PIK3CB: variants seen among roughly 807,000 people sequenced by gnomAD.
The protein encoded by PIK3CB is phosphatidylinositol-4,5-bisphosphate 3-kinase catalytic subunit beta, also known as phosphatidylinositol 4,5-bisphosphate 3-kinase catalytic subunit beta isoform.
A neutral mutation model predicts 136.8 loss-of-function variants in PIK3CB; 39 were observed. The observed-to-expected ratio is 0.29, with a 90% CI of 0.22 to 0.37. PIK3CB has a LOEUF of 0.37. Ranked by LOEUF, PIK3CB falls within the 10% of genes least tolerant of loss-of-function variation. The pLI, the probability that PIK3CB is intolerant of heterozygous loss-of-function variation, is 1.00. For missense variants in PIK3CB, 868 were observed against 1,275.4 expected, an observed-to-expected ratio of 0.68 and a Z score of 4.87; for synonymous variants, 428 against 436.6, an observed-to-expected ratio of 0.98 and a Z score of 0.25.
rs887378408 is a variant in PIK3CB at position 138,776,816 on chromosome 3, G to A, written c.-16-17457C>T. ...CATGCACTTGTGGTCCCAGCTACTTGGGAGGCTGAGGTAGGAGGATCACTT... is the reference window on the plus strand; with the variant it reads ...CATGCACTTGTGGTCCCAGCTACTTAGGAGGCTGAGGTAGGAGGATCACTT... On this transcript the variant is annotated intron_variant, in intron 2 of 23. Transcript: ENST00000674063. 1.1e-4 allele frequency among the ~76,000 whole-genome samples: 17 copies of A among 151,708 alleles called. 1 individual carries two copies. Among genetic ancestry groups the A allele is most frequent in the Admixed American group, 7.9e-4 (12 of 15,226 alleles).
chr3:138,682,476 T>C (rs1440341380), intron 18 of PIK3CB, among the ~76,000 whole-genome samples: 2 of 152,204 alleles, frequency 1.3e-5, no homozygotes, highest in Admixed American at 6.5e-5. Flanking sequence ...GGGGTACTAA[T>C]TGTATGCTGT....
intron 8 of PIK3CB, among the ~76,000 whole-genome samples, chr3:138,722,623 T>C (rs950826404): frequency 2.7e-5 from 4 of 150,126 alleles, no homozygotes; most frequent in Non-Finnish European, 5.9e-5. Flanking sequence ...TATAACTGCA[T>C]CCAAAAACTT....
At chr3:138,657,917 C>A (rs1223805113) in intron 21 of PIK3CB, 82 bp from the exon 22 acceptor site, 12 of 1,368,536 alleles carry the variant, frequency 8.8e-6, no homozygotes, top group Non-Finnish European at 1.2e-5. Flanking sequence ...AGTCCTAGAC[C>A]CCCAGGAACT....
At chr3:138,764,269 T>G (rs1044398256) in intron 2 of PIK3CB, among the ~76,000 whole-genome samples, 6 of 144,112 alleles carry the variant, frequency 4.2e-5, no homozygotes, top group Non-Finnish European at 9.1e-5. Context: ...GGCTACATAG[T>G]GAGACCTCAT....
In PIK3CB at chr3:138,653,340, T is replaced by C. The variant is rs967924441; in HGVS notation, c.*2049A>G. On this transcript the variant is annotated 3_prime_UTR_variant, in exon 24 of 24. Transcript: ENST00000674063. The stretch of plus-strand genomic sequence containing the variant: ...GGCTCCATCAACTACTCTGTGACTA[T>C]GGTCACGTTACTTAACCCTTCAAAG... 1.1e-5 allele frequency: 2 copies of C among 175,438 alleles called. No individual in the cohort carries two copies. The highest frequency in any genetic ancestry group is 1.3e-4 in the Admixed American group (2 of 15,784). 10.9% of individuals were successfully genotyped at this position (175,438 alleles called of 1,614,324 possible). A position where few individuals can be genotyped will look rare whatever the true frequency, so the allele number is the denominator to read the frequency against.
At chr3:138,677,622 C>T (rs1028896103) in intron 19 of PIK3CB, among the ~76,000 whole-genome samples, 2 of 152,132 alleles carry the variant, frequency 1.3e-5, no homozygotes, top group African/African-American at 4.8e-5. Context: ...TCTGGCTGGG[C>T]GCGGTGACTC....
At chr3:138,689,709 ATAAT>A in intron 15 of PIK3CB, among the ~76,000 whole-genome samples, 1 of 152,374 alleles carries the variant, frequency 6.6e-6, no homozygotes, top group South Asian at 2.1e-4. Context: ...ATGATATTCT[ATAAT>A]TAGTTAATAC....
chr3:138,794,243 G>A (rs776215568), intron 2 of PIK3CB, among the ~76,000 whole-genome samples: 2 of 152,270 alleles, frequency 1.3e-5, no homozygotes, highest in African/African-American at 2.4e-5. Flanking sequence ...GGTTACAGGC[G>A]TGAGTCACAG....
At chr3:138,750,165 C>A (rs1403896883) in intron 4 of PIK3CB, among the ~76,000 whole-genome samples, 1 of 152,106 alleles carries the variant, frequency 6.6e-6, no homozygotes, top group Non-Finnish European at 1.5e-5. Context: ...AGGAATAAGC[C>A]CCCAAGCTCG....
chr3:138,722,129 G>T (rs79586879), intron 8 of PIK3CB, among the ~76,000 whole-genome samples: 66 of 128,650 alleles, frequency 5.1e-4, no homozygotes, highest in African/African-American at 1.8e-3. Flanking sequence ...GCTACTGGGT[G>T]TTTTTTTTTT....
chr3:138,689,261 C>T (rs1190400856), intron 15 of PIK3CB, among the ~76,000 whole-genome samples: 1 of 152,110 alleles, frequency 6.6e-6, no homozygotes, highest in Non-Finnish European at 1.5e-5. Flanking sequence ...AGGTTCTAGC[C>T]AACAGGATGC....
chr3:138,812,869 G>A (rs1195936397), intron 1 of PIK3CB, among the ~76,000 whole-genome samples: 1 of 152,102 alleles, frequency 6.6e-6, no homozygotes, highest in Non-Finnish European at 1.5e-5. Flanking sequence ...GTGACTTTAC[G>A]GTGGTGGTGG....
chr3:138,752,013 C>A (rs2045482025), intron 4 of PIK3CB, among the ~76,000 whole-genome samples: 3 of 151,564 alleles, frequency 2.0e-5, no homozygotes, highest in African/African-American at 7.3e-5. Flanking sequence ...TAGCTATTTC[C>A]CTCACTTAAG....
In PIK3CB at chr3:138,655,306, A is replaced by G; in HGVS notation, c.*83T>C. The G allele has an allele frequency of 5.2e-6, 7 of 1,356,408 alleles. No individual in the cohort carries two copies. The highest frequency in any genetic ancestry group is 4.2e-6 in the Non-Finnish European group (4 of 959,536). The allele number at this position is 1,356,408 out of a possible 1,614,324, so 84.0% of individuals were successfully genotyped here. On this transcript the variant is annotated 3_prime_UTR_variant, in exon 24 of 24. Coordinates refer to ENST00000674063, the MANE Select transcript of PIK3CB (RefSeq NM_006219.3). Reference sequence around the variant, plus strand: ...ATTTCATTCCCTTTATAACATCTCTAACAGGGTCATGTTCAATTTAGTGCA... The same window carrying G: ...ATTTCATTCCCTTTATAACATCTCTGACAGGGTCATGTTCAATTTAGTGCA...
intron 1 of PIK3CB, among the ~76,000 whole-genome samples, chr3:138,820,483 T>C (rs1309569870): frequency 6.6e-6 from 1 of 152,190 alleles, no homozygotes; most frequent in Admixed American, 6.5e-5. Context: ...ACATAAACAC[T>C]TTCTTCATTC....
At chr3:138,679,003 T>C (rs1001561665) in intron 19 of PIK3CB, among the ~76,000 whole-genome samples, 4 of 151,996 alleles carry the variant, frequency 2.6e-5, no homozygotes, top group African/African-American at 9.7e-5. Flanking sequence ...GAGGCAGAGA[T>C]TGCAGTGAGC....
At chr3:138,765,507 G>C (rs2045721829) in intron 2 of PIK3CB, among the ~76,000 whole-genome samples, 1 of 151,848 alleles carries the variant, frequency 6.6e-6, no homozygotes, top group Non-Finnish European at 1.5e-5. Flanking sequence ...CCAATACATA[G>C]ATAAAATGCC....
At chr3:138,690,093 G>C (rs1277494365) in intron 15 of PIK3CB, among the ~76,000 whole-genome samples, 1 of 151,372 alleles carries the variant, frequency 6.6e-6, no homozygotes, top group Non-Finnish European at 1.5e-5. Context: ...AATAAGAAAA[G>C]GTTCTAGAAC....
chr3:138,795,078 G>A (rs1304350428), intron 2 of PIK3CB, among the ~76,000 whole-genome samples: 1 of 152,060 alleles, frequency 6.6e-6, no homozygotes, highest in Non-Finnish European at 1.5e-5. Context: ...CCAGCACTTT[G>A]GGAGGCCGAG....
Sources: allele counts gnomAD v4.1 joint callset (sites outside exome capture counted in the v4.1 genomes callset), GRCh38; gene constraint gnomAD v4.1.1; transcripts MANE v1.5; gene names NCBI Gene and HGNC (gene_info 2026-07-23, HGNC 2026-07-21).